ZYG11B: variants seen among roughly 807,000 people sequenced by gnomAD.
The protein encoded by ZYG11B is zyg-11 family member B, cell cycle regulator, also known as protein zyg-11 homolog B.
ZYG11B carries 36 observed loss-of-function variants against 82.4 expected under a neutral mutation model. The observed-to-expected ratio is 0.44, with a 90% CI of 0.33 to 0.58. The LOEUF (loss-of-function observed/expected upper bound fraction) is 0.58. ZYG11B is among the 20% of genes least tolerant of loss of function. The probability of loss-of-function intolerance (pLI) is 0.02; values close to 1 mark genes in which losing one functional copy is unlikely to be tolerated. For missense variants in ZYG11B, 552 were observed against 895.6 expected (o/e 0.62, Z 4.90); for synonymous variants, 303 against 312.8 (o/e 0.97, Z 0.33).
intron 1 of ZYG11B, among the ~76,000 whole-genome samples, chr1:52,754,993 C>G (rs999309817): frequency 3.0e-5 from 4 of 132,156 alleles, no homozygotes; most frequent in African/African-American, 8.8e-5. Flanking sequence ...GAGTCTTGCT[C>G]TGTCGCCCAG....
intron 8 of ZYG11B, among the ~76,000 whole-genome samples, chr1:52,799,019 A>G (rs1645052094): frequency 6.6e-6 from 1 of 152,122 alleles, no homozygotes; most frequent in Non-Finnish European, 1.5e-5. Flanking sequence ...TATCAAATGA[A>G]TGATACTTGC....
chr1:52,796,870 T>A (rs1328670838), intron 8 of ZYG11B, 86 bp downstream of exon 8: 3 of 146,694 alleles, frequency 2.0e-5, no homozygotes, highest in Non-Finnish European at 3.8e-5. Context: ...TGACATTTTT[T>A]ATATATATAT....
At chr1:52,816,401 C>T in intron 12 of ZYG11B, 131 bp from the exon 13 acceptor site, 5 of 639,860 alleles carry the variant, frequency 7.8e-6, no homozygotes, top group Non-Finnish European at 1.4e-5. Context: ...AAATGATATT[C>T]TATAGCTCAT....
intron 1 of ZYG11B, among the ~76,000 whole-genome samples, chr1:52,727,229 C>T (rs1484871662): frequency 9.2e-5 from 14 of 152,102 alleles, no homozygotes; most frequent in Non-Finnish European, 5.9e-5. Context: ...GTCCCCATTT[C>T]CTTCTACGGG....
chr1:52,779,803 A>G, intron 3 of ZYG11B, 50 bp from the exon 4 acceptor site: 6 of 1,606,048 alleles, frequency 3.7e-6, no homozygotes, highest in Non-Finnish European at 5.1e-6. Context: ...CATGATAATT[A>G]GATAGAGAAA....
rs1008073413 is a variant in ZYG11B, at chr1:52,770,556, CTGATGGA to C, written c.197-463_197-457del. Reference sequence around the variant, plus strand: ...CTTCATGGTCACCCTAGGGTCCAAACTGATGGAGGGTTTCTCCTCATATAACTATACT... The same window carrying C: ...CTTCATGGTCACCCTAGGGTCCAAACGGGTTTCTCCTCATATAACTATACT... On this transcript the variant is annotated intron_variant, in intron 2 of 13. Coordinates refer to ENST00000294353, the MANE Select transcript of ZYG11B (RefSeq NM_024646.3). Among the ~76,000 whole-genome samples, 4 of 152,156 alleles carry C rather than the reference CTGATGGA, an allele frequency of 2.6e-5. 1 individual carries two copies. The highest frequency in any genetic ancestry group is 9.7e-5 in the African/African-American group (4 of 41,444).
chr1:52,767,576 T>G (rs1644708814), intron 2 of ZYG11B, among the ~76,000 whole-genome samples: 1 of 152,192 alleles, frequency 6.6e-6, no homozygotes, highest in South Asian at 2.1e-4. Flanking sequence ...GTGCTGGGAT[T>G]ACAGGTGTGA....
intron 13 of ZYG11B, among the ~76,000 whole-genome samples, chr1:52,817,794 TATATATATATATATATATATA>T (rs1272118331): frequency 1.8e-3 from 90 of 48,654 alleles, no homozygotes; most frequent in African/African-American, 5.5e-3. Context: ...TATATATATA[TATATATATATATATATATATA>T]TTTTTTTTTT....
At chr1:52,752,794 A>G (rs1483057387) in intron 1 of ZYG11B, among the ~76,000 whole-genome samples, 1 of 152,164 alleles carries the variant, frequency 6.6e-6, no homozygotes, top group African/African-American at 2.4e-5. Flanking sequence ...GGCGTGGGAA[A>G]AGCCCAGAAA....
At position 52,768,418 on chromosome 1, in the gene ZYG11B, C is replaced by T. The variant is rs184664283; in HGVS notation, c.197-2602C>T. 3.3e-5 allele frequency among the ~76,000 whole-genome samples: 5 copies of T among 152,236 alleles called. 1 individual carries two copies. The East Asian group carries it at 9.6e-4, about 29-fold the overall frequency. ...TCACCTTCAGCCTCATTTCTTCTGT[C>T]CCATTTGCATGCTTATATCCCCAGA... On this transcript the variant is annotated intron_variant, in intron 2 of 13. Coordinates refer to ENST00000294353, the MANE Select transcript of ZYG11B (RefSeq NM_024646.3).
chr1:52,816,385 A>T, intron 12 of ZYG11B, 147 bp from the exon 13 acceptor site: 4 of 615,662 alleles, frequency 6.5e-6, no homozygotes, highest in Non-Finnish European at 1.2e-5. Flanking sequence ...AATGGTTAAG[A>T]CAAAGAAATG....
intron 13 of ZYG11B, 68 bp from the exon 14 acceptor site, chr1:52,821,370 GA>G (rs1441297311): frequency 6.8e-7 from 1 of 1,465,914 alleles, no homozygotes; most frequent in African/African-American, 1.4e-5. Flanking sequence ...TTTTTTTGTG[GA>G]ATAATTTTCA....
rs1645099008 is a variant in ZYG11B, at chr1:52,803,141, T to TATATATATACAC, written c.1695+1011_1695+1012insCACATATATATA. On this transcript the variant is annotated intron_variant, in intron 10 of 13. Coordinates refer to ENST00000294353, the MANE Select transcript of ZYG11B (RefSeq NM_024646.3). ...ATACACACATATATATATACACACA[T>TATATATATACAC]ATATATATATATACACATATATATA... Among the ~76,000 whole-genome samples the TATATATATACAC allele has an allele frequency of 3.3e-5, 2 of 60,560 alleles. 1 individual carries two copies. Among genetic ancestry groups the TATATATATACAC allele is most frequent in the Non-Finnish European group, 5.1e-5 (2 of 38,904 alleles). The allele number at this position is 60,560 out of a possible 152,430, so 39.7% of individuals were successfully genotyped here.
intron 3 of ZYG11B, chr1:52,772,468 C>T (rs1048360446): frequency 2.0e-5 from 32 of 1,584,290 alleles, no homozygotes; most frequent in Non-Finnish European, 2.4e-5. Flanking sequence ...CGTACTTGTG[C>T]AACACCATGT....
At chr1:52,779,041 C>G (rs1356677636) in intron 3 of ZYG11B, among the ~76,000 whole-genome samples, 1 of 152,016 alleles carries the variant, frequency 6.6e-6, no homozygotes. Context: ...AGTGGCTCAA[C>G]AAAGACTTCT....
chr1:52,796,633 C>G (rs1365029847), intron 7 of ZYG11B, 101 bp from the exon 8 acceptor site: 1 of 1,077,516 alleles, frequency 9.3e-7, no homozygotes, highest in Non-Finnish European at 1.4e-6. Flanking sequence ...CCAAGTTGAT[C>G]AGAGATTTTA....
chr1:52,796,223 C>T (rs1645005178), intron 6 of ZYG11B, 69 bp from the exon 7 acceptor site: 3 of 1,201,158 alleles, frequency 2.5e-6, no homozygotes, highest in African/African-American at 3.0e-5. Flanking sequence ...GCATCAGTTC[C>T]TAGCTGGAAC....
At chr1:52,791,294 A>G (rs1204575025) in intron 6 of ZYG11B, among the ~76,000 whole-genome samples, 1 of 151,926 alleles carries the variant, frequency 6.6e-6, no homozygotes, top group Non-Finnish European at 1.5e-5. Context: ...TTTTTTAACA[A>G]TGGCATTTTG....
chr1:52,778,551 T>G (rs968205139), intron 3 of ZYG11B, among the ~76,000 whole-genome samples: 8 of 152,234 alleles, frequency 5.3e-5, no homozygotes, highest in Non-Finnish European at 1.2e-4. Context: ...AGGTGTTGTA[T>G]TCTTACGTTA....
Sources: allele counts gnomAD v4.1 joint callset (sites outside exome capture counted in the v4.1 genomes callset), GRCh38; gene constraint gnomAD v4.1.1; transcripts MANE v1.5; gene names NCBI Gene and HGNC (gene_info 2026-07-23, HGNC 2026-07-21).